The following KAZN variants were observed in gnomAD, a reference collection of about 807,000 sequenced individuals.
KAZN encodes kazrin, periplakin interacting protein.
In KAZN, 40 loss-of-function variants were observed where a neutral mutation model predicts 87.4. That is an observed-to-expected ratio of 0.46 (90% CI 0.36 to 0.60). The LOEUF (loss-of-function observed/expected upper bound fraction) is 0.60. Ranked by LOEUF, KAZN falls within the 20% of genes least tolerant of loss-of-function variation. The pLI is 0.00. For missense variants in KAZN, 898 were observed against 1,073.9 expected (o/e 0.84, Z 2.29); for synonymous variants, 466 against 458.3 (o/e 1.02, Z -0.22).
upstream of KAZN, among the ~76,000 whole-genome samples, chr1:14,594,495 G>T (rs1186954170): frequency 1.3e-5 from 2 of 152,208 alleles, no homozygotes; most frequent in East Asian, 1.9e-4. Context: ...CCTTGGATGG[G>T]GTTGGGCTGG....
At chr1:14,841,269 GT>G (rs1174672379) in intron 1 of KAZN, among the ~76,000 whole-genome samples, 1 of 151,916 alleles carries the variant, frequency 6.6e-6, no homozygotes, top group African/African-American at 2.4e-5. Context: ...GCCAGGCGTG[GT>G]GGTGGGTGCC....
chr1:15,094,772 G>A lies in KAZN; in HGVS notation c.1429-43G>A. 1 of 1,459,400 alleles carries A rather than the reference G, an allele frequency of 6.9e-7. No individual in the cohort carries two copies. The highest frequency in any genetic ancestry group is 9.4e-7 in the Non-Finnish European group (1 of 1,068,460). 90.4% of individuals were successfully genotyped at this position (1,459,400 alleles called of 1,614,324 possible). Reference sequence around the variant, plus strand: ...CCCCTCTAGGGCAGGAACCCCGCCGGCAGCTGTCCCAGCCCCCATATGACA... The same window carrying A: ...CCCCTCTAGGGCAGGAACCCCGCCGACAGCTGTCCCAGCCCCCATATGACA... On this transcript the variant is annotated intron_variant, in intron 9 of 14. Coordinates refer to ENST00000376030, the MANE Select transcript of KAZN (RefSeq NM_201628.3). This position sits in a 1 kb window ranked among gnomAD's most constrained non-coding sequence, Gnocchi z 4.5.
At chr1:14,529,135 C>A (rs1471979438) in intron 2 of KAZN, among the ~76,000 whole-genome samples, 1 of 152,126 alleles carries the variant, frequency 6.6e-6, no homozygotes, top group Non-Finnish European at 1.5e-5. Context: ...GAAACCCCGT[C>A]TCCACTAAAA....
chr1:14,597,078 C>G (rs1676555403), upstream of KAZN, among the ~76,000 whole-genome samples: 1 of 152,194 alleles, frequency 6.6e-6, no homozygotes, highest in Admixed American at 6.5e-5. Context: ...AGTTTTGATG[C>G]TCTCCCCATA....
rs376004408 is a variant in KAZN, at chr1:14,851,855, T to C, written c.227-108829T>C. 5.3e-5 allele frequency among the ~76,000 whole-genome samples: 8 copies of C among 152,266 alleles called. No homozygotes were observed. In the South Asian group the frequency reaches 1.0e-3, roughly 20 times the overall value. The stretch of plus-strand genomic sequence containing the variant: ...TCACACTGTGTAGCGATCGCTCCAC[T>C]AACCACCCCTGCAACTGCAGGTCAC... On this transcript the variant is annotated intron_variant, in intron 1 of 14. Transcript: ENST00000376030.
intron 2 of KAZN, among the ~76,000 whole-genome samples, chr1:14,252,191 C>T (rs1571146026): frequency 6.6e-6 from 1 of 152,248 alleles, no homozygotes; most frequent in South Asian, 2.1e-4. Context: ...TTACAGAGAT[C>T]CAGATGTTCC....
intron 1 of KAZN, among the ~76,000 whole-genome samples, chr1:14,909,249 A>G (rs1268229915): frequency 6.6e-6 from 1 of 152,176 alleles, no homozygotes; most frequent in Non-Finnish European, 1.5e-5. Flanking sequence ...ACTGATCCCC[A>G]TTGAACAGAT....
chr1:14,061,296 A>G (rs1642784569), intron 1 of KAZN, among the ~76,000 whole-genome samples: 1 of 152,156 alleles, frequency 6.6e-6, no homozygotes, highest in Non-Finnish European at 1.5e-5. Flanking sequence ...GTGTTGAGGA[A>G]GACTTTCTGG....
intron 2 of KAZN, among the ~76,000 whole-genome samples, chr1:14,534,513 C>T (rs907270958): frequency 3.9e-5 from 6 of 152,042 alleles, no homozygotes; most frequent in Admixed American, 6.6e-5. Context: ...GGCGTGGTGG[C>T]GGGTACCTGT....
chr1:14,164,534 C>CTTTTTT (rs1168650321), intron 1 of KAZN, among the ~76,000 whole-genome samples: 2 of 93,760 alleles, frequency 2.1e-5, no homozygotes, highest in Non-Finnish European at 2.1e-5. Flanking sequence ...TGAGTTTCCT[C>CTTTTTT]TTTTTTTTTT....
intron 1 of KAZN, among the ~76,000 whole-genome samples, chr1:14,861,143 C>G (rs1465220067): frequency 3.3e-5 from 5 of 152,186 alleles, no homozygotes; most frequent in Admixed American, 2.0e-4. Context: ...TTTGAGAGGC[C>G]AAGGTGGGCA....
chr1:14,212,289 C>T (rs536263000), intron 2 of KAZN, among the ~76,000 whole-genome samples: 4 of 152,226 alleles, frequency 2.6e-5, no homozygotes, highest in East Asian at 1.9e-4. Flanking sequence ...CTGTGATTGA[C>T]GAAACCTCTC....
At chr1:14,012,741 G>A (rs1640373403) in intron 1 of KAZN, among the ~76,000 whole-genome samples, 1 of 152,164 alleles carries the variant, frequency 6.6e-6, no homozygotes, top group African/African-American at 2.4e-5. Flanking sequence ...GGAGGCGGAG[G>A]TTGCAGTGAG....
chr1:13,964,183 C>G (rs1261271191), intron 1 of KAZN, among the ~76,000 whole-genome samples: 2 of 152,166 alleles, frequency 1.3e-5, no homozygotes, highest in Non-Finnish European at 2.9e-5. Flanking sequence ...GTGAATAAAA[C>G]ATATGTCTTC....
intron 1 of KAZN, among the ~76,000 whole-genome samples, chr1:14,041,059 T>C (rs1205165141): frequency 1.3e-5 from 2 of 152,202 alleles, no homozygotes; most frequent in Non-Finnish European, 2.9e-5. Flanking sequence ...CTTGGCAGCT[T>C]CACTTTGCTC....
At chr1:13,978,504 A>ATG (rs1357506615) in intron 1 of KAZN, among the ~76,000 whole-genome samples, 1 of 150,542 alleles carries the variant, frequency 6.6e-6, no homozygotes, top group Non-Finnish European at 1.5e-5. Context: ...AAATATATAT[A>ATG]TATATATAAA....
chr1:13,956,705 C>T (rs1641564082), intron 1 of KAZN, among the ~76,000 whole-genome samples: 1 of 151,882 alleles, frequency 6.6e-6, no homozygotes, highest in Non-Finnish European at 1.5e-5. Flanking sequence ...GATATGCACC[C>T]ACTATTTTGT....
At chr1:14,644,584 A>T (rs1484689385) in intron 1 of KAZN, among the ~76,000 whole-genome samples, 1 of 151,408 alleles carries the variant, frequency 6.6e-6, no homozygotes, top group Non-Finnish European at 1.5e-5. Context: ...GATGGTCTTG[A>T]TCTCCTGAGC....
At chr1:15,048,863 G>A (rs980880211) in intron 4 of KAZN, among the ~76,000 whole-genome samples, 11 of 145,048 alleles carry the variant, frequency 7.6e-5, no homozygotes, top group African/African-American at 2.1e-4. Flanking sequence ...GTCCTTGGTC[G>A]TTGGTCCTGG....
Sources: gnomAD v4.1 joint callset for allele counts (sites outside exome capture counted in the v4.1 genomes callset) on GRCh38, gnomAD v4.1.1 for gene constraint, Gnocchi (gnomAD v3.1) non-coding constraint, MANE v1.5 for transcripts, NCBI Gene and HGNC (gene_info 2026-07-23, HGNC 2026-07-21) for gene names.